Variants in LANCL2 observed in about 807,000 individuals in gnomAD.
The protein encoded by LANCL2 is LanC like glutathione S-transferase 2.
LANCL2 carries 33 observed loss-of-function variants against 56.9 expected under a neutral mutation model. That is an observed-to-expected ratio of 0.58 (90% CI 0.44 to 0.78). LANCL2 has a LOEUF of 0.78. Ranked by LOEUF, LANCL2 falls within the 30% of genes least tolerant of loss-of-function variation. LANCL2 has a pLI of 0.00. For missense variants in LANCL2, 562 were observed against 580.2 expected (o/e 0.97, Z 0.32); for synonymous variants, 233 against 228.2 (o/e 1.02, Z -0.19).
At chr7:55,429,689 A>G (rs931535843) in intron 8 of LANCL2, among the ~76,000 whole-genome samples, 3 of 152,272 alleles carry the variant, frequency 2.0e-5, no homozygotes, top group Admixed American at 6.5e-5. Context: ...TAAAAATGCA[A>G]TGCATTTGCA....
intron 1 of LANCL2, among the ~76,000 whole-genome samples, chr7:55,377,994 G>GT (rs766164038): frequency 6.6e-6 from 1 of 152,212 alleles, no homozygotes; most frequent in Non-Finnish European, 1.5e-5. Flanking sequence ...AACTTTAGAA[G>GT]TAGACAGTCT....
intron 6 of LANCL2, among the ~76,000 whole-genome samples, chr7:55,417,728 G>A (rs1050999688): frequency 4.6e-5 from 7 of 152,118 alleles, no homozygotes; most frequent in African/African-American, 1.7e-4. Flanking sequence ...GGTCGCCCAG[G>A]CTGGAGTAGG....
rs948362800 is a variant in LANCL2 at position 55,431,133 on chromosome 7, C to G, written c.1259-93C>G. On this transcript the variant is annotated intron_variant, in intron 8 of 8. Coordinates refer to ENST00000254770, the MANE Select transcript of LANCL2 (RefSeq NM_018697.4). Reference sequence around the variant, plus strand: ...GAGTCCTCAGCACCTTTCCCACATGCTTGCAGCCCCTGGTAAGGGAAATGA... The same window carrying G: ...GAGTCCTCAGCACCTTTCCCACATGGTTGCAGCCCCTGGTAAGGGAAATGA... 5 of 857,490 alleles carry G rather than the reference C, an allele frequency of 5.8e-6. No individual in the cohort carries two copies. The African/African-American group carries it at 8.5e-5, about 15-fold the overall frequency. The allele number at this position is 857,490 out of a possible 1,614,324, so 53.1% of individuals were successfully genotyped here. A position where few individuals can be genotyped will look rare whatever the true frequency, so the allele number is the denominator to read the frequency against.
rs1790025730 is a variant in LANCL2 at position 55,378,289 on chromosome 7, GTC to G, written c.204+12064_204+12065del. ...ATTCTGGCCAACATGGGGAAACCCT[GTC>G]TCTACTAAAAATACAAAAATTAGCC... is the stretch of plus-strand genomic sequence containing the variant. On this transcript the variant is annotated intron_variant, in intron 1 of 8. Transcript: ENST00000254770. Among the ~76,000 whole-genome samples, 4 of 152,130 alleles carry G rather than the reference GTC, an allele frequency of 2.6e-5. No homozygotes were observed. The East Asian group carries it at 7.7e-4, about 29-fold the overall frequency.
At chr7:55,425,171 A>G (rs1583767294) in intron 6 of LANCL2, 83 bp from the exon 7 acceptor site, 1 of 1,408,526 alleles carries the variant, frequency 7.1e-7, no homozygotes, top group Non-Finnish European at 9.8e-7. Flanking sequence ...ATCATGCCAT[A>G]TTCTAACCAG....
At chr7:55,417,168 A>C (rs777594254) in intron 6 of LANCL2, among the ~76,000 whole-genome samples, 1 of 151,726 alleles carries the variant, frequency 6.6e-6, no homozygotes, top group Non-Finnish European at 1.5e-5. Context: ...TTTAGTAGAG[A>C]TGGGGTTTCA....
chr7:55,405,835 G>A (rs1439303238), intron 5 of LANCL2, among the ~76,000 whole-genome samples: 1 of 152,184 alleles, frequency 6.6e-6, no homozygotes, highest in Non-Finnish European at 1.5e-5. Flanking sequence ...ACACTATGTA[G>A]TAAGTACTTG....
At chr7:55,384,206 G>T (rs1403245203) in intron 1 of LANCL2, among the ~76,000 whole-genome samples, 1 of 152,192 alleles carries the variant, frequency 6.6e-6, no homozygotes, top group East Asian at 1.9e-4. Context: ...GACAGAAAAA[G>T]TATTTGAACA....
At chr7:55,375,912 A>G (rs1789995033) in intron 1 of LANCL2, among the ~76,000 whole-genome samples, 1 of 152,190 alleles carries the variant, frequency 6.6e-6, no homozygotes, top group South Asian at 2.1e-4. Context: ...TGGTCCTTAC[A>G]GCAGCCGCAG....
chr7:55,401,686 G>T (rs575388940), intron 5 of LANCL2, among the ~76,000 whole-genome samples: 1 of 133,276 alleles, frequency 7.5e-6, no homozygotes, highest in Non-Finnish European at 1.6e-5. Context: ...AGGACCCTGC[G>T]GCCCTCTGCA....
At position 55,401,227 on chromosome 7, in the gene LANCL2, A is replaced by G; in HGVS notation, c.732A>G (p.Lys244=). ...AGACTTTGTCAAGGGAAGAAAGAAA[A>G]ACGGAGCGCTGCCCGCTGTTGTACC... ...SGKTLSREER[K]TERCPLLYQW... The change falls in exon 5 of 9, where the codon AAA becomes AAG. Residue 244 remains lysine (K), a synonymous_variant. Coordinates refer to ENST00000254770, the MANE Select transcript of LANCL2 (RefSeq NM_018697.4). 1 of 1,614,126 alleles carries G rather than the reference A, an allele frequency of 6.2e-7. No homozygotes were observed. The highest frequency in any genetic ancestry group is 8.5e-7 in the Non-Finnish European group (1 of 1,179,992).
chr7:55,417,225 C>T (rs2331062), intron 6 of LANCL2, among the ~76,000 whole-genome samples: 50,943 of 151,628 alleles, frequency 0.34, 9,161 homozygotes, highest in East Asian at 0.52. Context: ...ATGATCTGCC[C>T]GCCTCGGCCT....
intron 6 of LANCL2, among the ~76,000 whole-genome samples, chr7:55,423,069 G>A (rs1295241952): frequency 1.3e-5 from 2 of 152,238 alleles, no homozygotes; most frequent in Non-Finnish European, 2.9e-5. Context: ...GGGAGGTAAT[G>A]TGGATAAGTA....
intron 1 of LANCL2, among the ~76,000 whole-genome samples, chr7:55,389,924 T>C (rs1009800823): frequency 2.0e-5 from 3 of 152,200 alleles, no homozygotes; most frequent in African/African-American, 7.2e-5. Context: ...GTCAGAAATG[T>C]CTCCTGGTTC....
chr7:55,416,764 G>C (rs1282905040), intron 6 of LANCL2, among the ~76,000 whole-genome samples: 1 of 151,882 alleles, frequency 6.6e-6, no homozygotes, highest in Non-Finnish European at 1.5e-5. Context: ...TTGACTAATA[G>C]AGTTTTAAAT....
Position 55,431,620 on chromosome 7 carries a change from A to T in LANCL2, c.*300A>T. On this transcript the variant is annotated 3_prime_UTR_variant, in exon 9 of 9. Coordinates refer to ENST00000254770, the MANE Select transcript of LANCL2 (RefSeq NM_018697.4). ...AAGGCCCTTCTATTCCTGAGGGCTC[A>T]GAGCTGACCATGCATGAATGTATGG... 1 of 311,056 alleles carries T rather than the reference A, an allele frequency of 3.2e-6. No individual in the cohort carries two copies. Among genetic ancestry groups the T allele is most frequent in the Non-Finnish European group, 5.9e-6 (1 of 168,270 alleles). 19.3% of individuals were successfully genotyped at this position (311,056 alleles called of 1,614,324 possible).
intron 1 of LANCL2, among the ~76,000 whole-genome samples, chr7:55,386,825 A>T (rs1329578682): frequency 6.6e-6 from 1 of 152,210 alleles, no homozygotes; most frequent in African/African-American, 2.4e-5. Flanking sequence ...TTGAGAAGTT[A>T]CGTGGGTTAC....
At chr7:55,378,533 C>A (rs1037745874) in intron 1 of LANCL2, among the ~76,000 whole-genome samples, 1 of 150,264 alleles carries the variant, frequency 6.7e-6, no homozygotes, top group East Asian at 2.0e-4. Context: ...TATATGTATA[C>A]GTGTGTGTGT....
At chr7:55,391,690 T>C (rs1379919568) in intron 1 of LANCL2, 103 bp from the exon 2 acceptor site, 1 of 669,468 alleles carries the variant, frequency 1.5e-6, no homozygotes, top group African/African-American at 1.8e-5. Context: ...CCAAGGAAAG[T>C]AACTTCTGTC....
Sources: gnomAD v4.1 joint callset for allele counts (sites outside exome capture counted in the v4.1 genomes callset) on GRCh38, gnomAD v4.1.1 for gene constraint, MANE v1.5 for transcripts, NCBI Gene and HGNC (gene_info 2026-07-23, HGNC 2026-07-21) for gene names.